Variants in AHI1 observed in about 807,000 individuals in gnomAD.
AHI1 encodes the protein jouberin.
Under a neutral mutation model 149.3 loss-of-function variants are expected in AHI1, and 123 were observed. The observed-to-expected ratio is 0.82, with a 90% confidence interval of 0.71 to 0.96. AHI1 has a LOEUF of 0.96. AHI1 is among the 40% of genes least tolerant of loss of function. The pLI is 0.00. For synonymous variants in AHI1, 475 were observed against 459.8 expected, an observed-to-expected ratio of 1.03 and a Z score of -0.42; for missense variants, 1,439 against 1,422.7, an observed-to-expected ratio of 1.01 and a Z score of -0.18.
intron 3 of AHI1, among the ~76,000 whole-genome samples, chr6:135,493,390 A>G (rs1292920744): frequency 6.6e-6 from 1 of 152,258 alleles, no homozygotes; most frequent in Non-Finnish European, 1.5e-5. Context: ...AAAGAAAGGA[A>G]TGATTATGTA....
chr6:135,333,235 C>T (rs1477158605), intron 24 of AHI1, among the ~76,000 whole-genome samples: 3 of 152,058 alleles, frequency 2.0e-5, no homozygotes, highest in Non-Finnish European at 4.4e-5. Context: ...TCTCATTTCT[C>T]AATAATGTCA....
rs202082310 is a variant in AHI1, at chr6:135,300,501, G to C, written c.3484C>G (p.His1162Asp). The change falls in exon 27 of 29, where the codon CAT (histidine) becomes GAT (aspartate). Residue 1162 changes from histidine to aspartate, a missense_variant and splice_region_variant. His to Asp is a moderately conservative substitution (Grantham distance 81). Transcript: ENST00000265602. ...DFRLGSESMT[H>D]SEMRKEQSHE... ...AATTATTTTGAAGAAGTTGCTTACTGTGTCATAGATTCTGAGCCTAGTCTG... is the reference window on the plus strand; with the variant it reads ...AATTATTTTGAAGAAGTTGCTTACTCTGTCATAGATTCTGAGCCTAGTCTG... 1 of 1,605,038 alleles carries C rather than the reference G, an allele frequency of 6.2e-7. No individual in the cohort carries two copies.
chr6:135,492,846 A>G (rs1795441986), intron 3 of AHI1: 1 of 985,258 alleles, frequency 1.0e-6, no homozygotes, highest in South Asian at 4.7e-5. Context: ...ACTCAAAACC[A>G]TGGTTCAACT....
chr6:135,358,802 C>T (rs995242643), intron 23 of AHI1, among the ~76,000 whole-genome samples: 2 of 152,150 alleles, frequency 1.3e-5, no homozygotes, highest in Admixed American at 1.3e-4. Flanking sequence ...TTCTCTACTG[C>T]ATTTCTTTGT....
chr6:135,466,858 A>T (rs770102462), intron 6 of AHI1, among the ~76,000 whole-genome samples: 1 of 152,228 alleles, frequency 6.6e-6, no homozygotes, highest in Non-Finnish European at 1.5e-5. Context: ...ATCTAAGTGT[A>T]TCACTAAAAT....
Position 135,453,418 on chromosome 6 carries a change from C to T in AHI1, c.1363G>A (p.Val455Met), listed in dbSNP as rs775076049. The change falls in exon 11 of 29, where the codon GTG becomes ATG. Residue 455 changes from valine to methionine, a missense_variant. Transcript: ENST00000265602. ...TCAGAATTATTCTTAATTTCATCCACGCTTAAGAAATCAAGAATCTGCAAA... is the reference window on the plus strand; with the variant it reads ...TCAGAATTATTCTTAATTTCATCCATGCTTAAGAAATCAAGAATCTGCAAA... ...LFFEILDFLS[V>M]DEIKNNSEVQ... 37 of 1,554,234 alleles carry T rather than the reference C, an allele frequency of 2.4e-5. No homozygotes were observed. The highest frequency in any genetic ancestry group is 2.9e-5 in the Non-Finnish European group (33 of 1,148,114).
At chr6:135,391,820 T>C (rs1319781587) in intron 23 of AHI1, among the ~76,000 whole-genome samples, 1 of 152,110 alleles carries the variant, frequency 6.6e-6, no homozygotes, top group African/African-American at 2.4e-5. Flanking sequence ...GATTTTGCAG[T>C]TGGGGAGAAA....
At chr6:135,468,512 T>G (rs568012620) in intron 5 of AHI1, among the ~76,000 whole-genome samples, 5 of 152,272 alleles carry the variant, frequency 3.3e-5, no homozygotes, top group African/African-American at 1.2e-4. Context: ...GAGATCAGCC[T>G]GGCCAACATG....
intron 5 of AHI1, among the ~76,000 whole-genome samples, chr6:135,480,368 G>T (rs1029059673): frequency 6.6e-6 from 1 of 151,970 alleles, no homozygotes; most frequent in Non-Finnish European, 1.5e-5. Flanking sequence ...GGAGGTGGGA[G>T]AATTGCTTAA....
chr6:135,363,422 A>G (rs1794236523), intron 23 of AHI1, among the ~76,000 whole-genome samples: 1 of 152,098 alleles, frequency 6.6e-6, no homozygotes, highest in South Asian at 2.1e-4. Flanking sequence ...GTACAGAACA[A>G]AATGAAAAGT....
chr6:135,385,041 A>G (rs1777383060), intron 23 of AHI1, among the ~76,000 whole-genome samples: 2 of 152,168 alleles, frequency 1.3e-5, no homozygotes, highest in Non-Finnish European at 2.9e-5. Context: ...GTGATCCGAG[A>G]TCGCGCCACT....
At chr6:135,391,931 G>C (rs1778563262) in intron 23 of AHI1, among the ~76,000 whole-genome samples, 1 of 150,886 alleles carries the variant, frequency 6.6e-6, no homozygotes, top group Non-Finnish European at 1.5e-5. Context: ...TAAACAACTG[G>C]GTGAATGGTG....
At chr6:135,328,277 A>AT (rs926678977) in intron 24 of AHI1, among the ~76,000 whole-genome samples, 2 of 152,102 alleles carry the variant, frequency 1.3e-5, no homozygotes, top group South Asian at 2.1e-4. Context: ...TAGATACTGC[A>AT]TTTTTTTGCC....
intron 26 of AHI1, among the ~76,000 whole-genome samples, chr6:135,317,267 G>A (rs554253427): frequency 8.6e-5 from 13 of 151,544 alleles, no homozygotes; most frequent in African/African-American, 2.4e-4. Context: ...GATCCCCTTC[G>A]TCAGGAGTAT....
chr6:135,352,701 G>GTA (rs557236679), intron 24 of AHI1, among the ~76,000 whole-genome samples: 100 of 129,486 alleles, frequency 7.7e-4, no homozygotes, highest in South Asian at 1.0e-3. Context: ...CATTGTGTGT[G>GTA]TATATATATA....
At chr6:135,290,384 TGAC>T (rs1782186836) in intron 28 of AHI1, 36 bp downstream of exon 28, 1 of 1,203,686 alleles carries the variant, frequency 8.3e-7, no homozygotes, top group Non-Finnish European at 1.2e-6. Context: ...CTTTTCCTGT[TGAC>T]AACATAGCGC....
chr6:135,305,352 G>A (rs867991528), intron 26 of AHI1, among the ~76,000 whole-genome samples: 2 of 152,264 alleles, frequency 1.3e-5, no homozygotes, highest in Middle Eastern at 3.4e-3. Flanking sequence ...AATTTTTCTG[G>A]AAATATACTT....
Position 135,433,244 on chromosome 6 carries a change from A to C in AHI1, c.2049T>G (p.Asn683Lys). 2 of 1,597,936 alleles carry C rather than the reference A, an allele frequency of 1.3e-6. No individual in the cohort carries two copies. Among genetic ancestry groups the C allele is most frequent in the African/African-American group, 2.7e-5 (2 of 74,638 alleles). The change falls in exon 16 of 29, where the codon AAT becomes AAG. Residue 683 changes from asparagine (N) to lysine (K), a missense_variant. Asn to Lys is a moderately conservative substitution (Grantham distance 94). Coordinates refer to ENST00000265602, the MANE Select transcript of AHI1 (RefSeq NM_001134831.2). ...TGAAAGTATTTGTATTGTTTATTTC[A>C]TTTTTCCATATCCTGGAAAAGGATA... is the stretch of plus-strand genomic sequence containing the variant. ...SSDGTARIWK[N>K]EINNTNTFRV... is the part of the protein sequence containing the mutation.
At chr6:135,377,587 G>C (rs113760374) in intron 23 of AHI1, among the ~76,000 whole-genome samples, 1,731 of 151,952 alleles carry the variant, frequency 0.011, 37 homozygotes, top group African/African-American at 0.039. Flanking sequence ...CTCAAGTGAT[G>C]CTTCCACCTC....
Sources: allele counts gnomAD v4.1 joint callset (sites outside exome capture counted in the v4.1 genomes callset), GRCh38; gene constraint gnomAD v4.1.1; transcripts MANE v1.5; gene names NCBI Gene and HGNC (gene_info 2026-07-23, HGNC 2026-07-21).